The following ZNF7 variants were observed in gnomAD, a reference collection of about 807,000 sequenced individuals.
ZNF7 encodes the protein zinc finger protein 7.
Under a neutral mutation model 12.0 loss-of-function variants are expected in ZNF7, and 10 were observed. The observed-to-expected ratio is 0.83, with a 90% CI of 0.51 to 1.42. The LOEUF (loss-of-function observed/expected upper bound fraction) is 1.42, where lower values mean the gene tolerates loss of function less well. Ranked by LOEUF, ZNF7 falls within the 40% of genes most tolerant of loss-of-function variation. ZNF7 has a pLI of 0.00. For missense variants in ZNF7, 854 were observed against 837.2 expected, an observed-to-expected ratio of 1.02 and a Z score of -0.25; for synonymous variants, 334 against 295.0, an observed-to-expected ratio of 1.13 and a Z score of -1.35.
intron 4 of ZNF7, chr8:144,838,964 C>CGCCT (rs1829467358): frequency 4.2e-5 from 6 of 143,048 alleles, no homozygotes; most frequent in African/African-American, 7.9e-5. Context: ...AAAAAAAAAG[C>CGCCT]AGGGGCTGTG....
intron 2 of ZNF7, 184 bp downstream of exon 2, chr8:144,829,274 A>AG (rs1828154216): frequency 1.3e-6 from 2 of 1,532,136 alleles, no homozygotes; most frequent in East Asian, 4.6e-5. Context: ...GAGGCTCTTG[A>AG]GGGGGGAGGG....
chr8:144,846,258 G>A, downstream of ZNF7: 3 of 1,340,334 alleles, frequency 2.2e-6, no homozygotes, highest in South Asian at 1.4e-5. Flanking sequence ...TGGGGTGCAA[G>A]CTTCATTCTG....
Position 144,842,582 on chromosome 8 carries a change from C to T in ZNF7, c.1475C>T (p.Thr492Ile). Residue 492 changes from threonine (T) to isoleucine (I), a missense_variant, in exon 5 of 5, where the codon ACT becomes ATT. Physicochemically the swap from Thr to Ile is moderately conservative, Grantham distance 89. Transcript: ENST00000532777. The stretch of plus-strand genomic sequence containing the variant: ...CTTATTCAGCATCAGCGAATCCACA[C>T]TGGAGAGAAACCCTATGTGTGTAAT... The part of the protein sequence containing the change: ...SHLIQHQRIH[T>I]GEKPYVCNDC... 1 of 1,614,242 alleles carries T rather than the reference C, an allele frequency of 6.2e-7. No individual in the cohort carries two copies. The highest frequency in any genetic ancestry group is 8.5e-7 in the Non-Finnish European group (1 of 1,180,040).
rs199878786 is a variant in ZNF7, at chr8:144,842,470, C to T, written c.1363C>T (p.Arg455Trp). The change falls in exon 5 of 5, where the codon CGG becomes TGG. Residue 455 changes from arginine to tryptophan, a missense_variant. Physicochemically the swap from Arg to Trp is moderately radical, Grantham distance 101. Transcript: ENST00000532777. ...TACAAAAGCCTTTGGTTGTAGTTCA[C>T]GGCTTATTCGCCATCAGAGAACTCA... ...KCTKAFGCSS[R>W]LIRHQRTHTG... 51 of 1,614,024 alleles carry T rather than the reference C, an allele frequency of 3.2e-5. No individual in the cohort carries two copies. Among genetic ancestry groups the T allele is most frequent in the Non-Finnish European group, 3.7e-5 (44 of 1,180,018 alleles).
Position 144,841,742 on chromosome 8 carries a change from C to T in ZNF7, c.635C>T (p.Ala212Val), listed in dbSNP as rs1829939918. The T allele has an allele frequency of 1.9e-6, 3 of 1,614,152 alleles. No individual in the cohort carries two copies. In the East Asian group the frequency reaches 6.7e-5, roughly 36 times the overall value. ...GGCATCAGAGCCACTTCAGATATCG[C>T]TCTGCATTGGGAAATTAATACACAG... ...GKGIRATSDI[A>V]LHWEINTQKI... Residue 212 changes from alanine (A) to valine (V), a missense_variant, in exon 5 of 5, where the codon GCT (alanine) becomes GTT (valine). Ala to Val is a moderately conservative substitution (Grantham distance 64). Transcript: ENST00000532777.
Position 144,841,269 on chromosome 8 carries a change from C to T in ZNF7, c.248-86C>T, listed in dbSNP as rs1359347101. 27 of 1,385,338 alleles carry T rather than the reference C, an allele frequency of 1.9e-5. 1 individual carries two copies. In the East Asian group the frequency reaches 5.7e-4, roughly 29 times the overall value. 85.8% of individuals were successfully genotyped at this position (1,385,338 alleles called of 1,614,324 possible). A position where few individuals can be genotyped will look rare whatever the true frequency, so the allele number is the denominator to read the frequency against. On this transcript the variant is annotated intron_variant, in intron 4 of 4. Coordinates refer to ENST00000532777, the MANE Select transcript of ZNF7 (RefSeq NM_003416.4). ...GTGCTCAGTGCAACTATCCTGGGAG[C>T]CTTGAGCCCTGGCCCCCGCATTTGT...
At chr8:144,831,336 T>C (rs2130554414) in intron 3 of ZNF7, among the ~76,000 whole-genome samples, 1 of 152,256 alleles carries the variant, frequency 6.6e-6, no homozygotes, top group South Asian at 2.1e-4. Context: ...CAGCATGTAT[T>C]GTATGATGGT....
rs1372894051 is a variant in ZNF7, at chr8:144,842,203, G to T, written c.1096G>T (p.Glu366Ter). Residue 366 changes from glutamate (E) to a stop codon, truncating the protein, a stop_gained, in exon 5 of 5, where the codon GAG becomes TAG. Coordinates refer to ENST00000532777, the MANE Select transcript of ZNF7 (RefSeq NM_003416.4). LOFTEE classifies it low-confidence loss of function (END_TRUNC). The part of the protein sequence containing the change: ...HTGERPYPCK[E>*]CGKAFSQSST... The stretch of plus-strand genomic sequence containing the variant: ...TGGGGAGAGGCCCTACCCTTGCAAG[G>T]AGTGTGGGAAGGCCTTCAGCCAGAG... 6.2e-7 allele frequency: 1 copy of T among 1,614,018 alleles called. No individual in the cohort carries two copies. Among genetic ancestry groups the T allele is most frequent in the Non-Finnish European group, 8.5e-7 (1 of 1,180,032 alleles).
chr8:144,840,640 A>C (rs1249701965), intron 4 of ZNF7, among the ~76,000 whole-genome samples: 1 of 152,138 alleles, frequency 6.6e-6, no homozygotes, highest in African/African-American at 2.4e-5. Context: ...GAGAGTCCAG[A>C]AGGAACGCAG....
chr8:144,840,102 C>T (rs931659541), intron 4 of ZNF7, among the ~76,000 whole-genome samples: 2 of 152,182 alleles, frequency 1.3e-5, no homozygotes, highest in Non-Finnish European at 2.9e-5. Flanking sequence ...ACCTGGCCAC[C>T]CTGCTCTCTT....
intron 4 of ZNF7, 23 bp downstream of exon 4, chr8:144,837,530 G>C (rs1176976663): frequency 3.8e-6 from 6 of 1,567,936 alleles, no homozygotes; most frequent in South Asian, 3.4e-5. Flanking sequence ...TCCCATCGCA[G>C]AGAAGCCCTG....
At position 144,841,782 on chromosome 8, in the gene ZNF7, T is replaced by G; in HGVS notation, c.675T>G (p.Cys225Trp). ...WEINTQKISRCQECQKKLSDC... is the reference protein window; with the variant it reads ...WEINTQKISRWQECQKKLSDC... ...TTAATACACAGAAAATTAGCAGATG[T>G]CAAGAATGCCAAAAAAAGTTATCTG... The change falls in exon 5 of 5, where the codon TGT becomes TGG. Residue 225 changes from cysteine (C) to tryptophan (W), a missense_variant. By Grantham distance (215) the Cys-to-Trp change is radical. Coordinates refer to ENST00000532777, the MANE Select transcript of ZNF7 (RefSeq NM_003416.4). 6.2e-7 allele frequency: 1 copy of G among 1,614,098 alleles called. No individual in the cohort carries two copies. The highest frequency in any genetic ancestry group is 8.5e-7 in the Non-Finnish European group (1 of 1,180,026).
At chr8:144,828,757 T>A (rs906121369) in intron 1 of ZNF7, 35 of 450,954 alleles carry the variant, frequency 7.8e-5, no homozygotes, top group African/African-American at 5.4e-4. Context: ...GGTCCTCGTG[T>A]CCACTACTGT....
At chr8:144,833,755 A>C (rs1235327469) in intron 3 of ZNF7, 1 of 152,118 alleles carries the variant, frequency 6.6e-6, no homozygotes, top group African/African-American at 2.4e-5. Flanking sequence ...TACTACAAGA[A>C]TACTAAAAGA....
In ZNF7 at chr8:144,829,710, G is replaced by C. The variant is rs1828212399; in HGVS notation, c.130+106G>C. On this transcript the variant is annotated intron_variant, in intron 3 of 4. Coordinates refer to ENST00000532777, the MANE Select transcript of ZNF7 (RefSeq NM_003416.4). ...ATGCAGGCCAAACGCTCAGACCCTTGTGGGCTCCACAGGGGGCTTGGACTC... is the reference window on the plus strand; with the variant it reads ...ATGCAGGCCAAACGCTCAGACCCTTCTGGGCTCCACAGGGGGCTTGGACTC... The C allele has an allele frequency of 4.2e-6, 6 of 1,427,952 alleles. No individual in the cohort carries two copies. The East Asian group carries it at 1.5e-4, about 35-fold the overall frequency. 88.5% of individuals were successfully genotyped at this position (1,427,952 alleles called of 1,614,324 possible). A position where few individuals can be genotyped will look rare whatever the true frequency, so the allele number is the denominator to read the frequency against.
At chr8:144,830,400 T>G (rs1828303527) in intron 3 of ZNF7, among the ~76,000 whole-genome samples, 1 of 152,250 alleles carries the variant, frequency 6.6e-6, no homozygotes. Context: ...CTCTGATTTC[T>G]GCTGAGCTTG....
In ZNF7 at chr8:144,838,951, A is replaced by G. The variant is rs868486021; in HGVS notation, c.247+1444A>G. ...AGCGAGATGACGTCTCAAAAAAAAA[A>G]AAAAAAAAAAAGCAGGGGCTGTGAT... On this transcript the variant is annotated intron_variant, in intron 4 of 4. Transcript: ENST00000532777. 736 of 148,358 alleles carry G rather than the reference A, an allele frequency of 5.0e-3. 17 individuals carry two copies. The highest frequency in any genetic ancestry group is 0.019 in the African/African-American group (705 of 37,896). The allele number at this position is 148,358 out of a possible 1,614,324, so 9.2% of individuals were successfully genotyped here.
At chr8:144,828,974 C>T (rs1054615408) in intron 1 of ZNF7, 69 bp from the exon 2 acceptor site, 25 of 1,563,344 alleles carry the variant, frequency 1.6e-5, no homozygotes, top group Non-Finnish European at 2.1e-5. Flanking sequence ...GAGCACAGTA[C>T]CCCCTTGATT....
Position 144,833,341 on chromosome 8 carries a change from G to GT in ZNF7, c.130+3737_130+3738insT, listed in dbSNP as rs1563828427. On this transcript the variant is annotated intron_variant, in intron 3 of 4. Coordinates refer to ENST00000532777, the MANE Select transcript of ZNF7 (RefSeq NM_003416.4). The stretch of plus-strand genomic sequence containing the variant: ...CAGCTTCCTGCTTTTGGTTTGTTTT[G>GT]GTTTTTTTTTGTTTGTTTGTTCATT... Among the ~76,000 whole-genome samples the GT allele has an allele frequency of 4.9e-4, 67 of 136,698 alleles. 1 individual carries two copies. The highest frequency in any genetic ancestry group is 1.6e-3 in the African/African-American group (49 of 30,110). 89.7% of individuals were successfully genotyped at this position (136,698 alleles called of 152,430 possible).
Sources: gnomAD v4.1 joint callset for allele counts (sites outside exome capture counted in the v4.1 genomes callset) on GRCh38, gnomAD v4.1.1 for gene constraint, MANE v1.5 for transcripts, NCBI Gene and HGNC (gene_info 2026-07-23, HGNC 2026-07-21) for gene names.